CR1: variants seen among roughly 807,000 people sequenced by gnomAD.
The protein encoded by CR1 is complement C3b/C4b receptor 1 (Knops blood group).
A neutral mutation model predicts 187.3 loss-of-function variants in CR1; 116 were observed. That is an observed-to-expected ratio of 0.62 (90% CI 0.53 to 0.72). The LOEUF is 0.72. CR1 is among the 30% of genes least tolerant of loss of function. The pLI, the probability that CR1 is intolerant of heterozygous loss-of-function variation, is 0.00. For missense variants in CR1, 1,731 were observed against 2,110.7 expected (o/e 0.82, Z 3.52); for synonymous variants, 576 against 747.1 (o/e 0.77, Z 3.73).
At chr1:207,596,449 A>T (rs1005692714) in intron 35 of CR1, among the ~76,000 whole-genome samples, 13 of 151,986 alleles carry the variant, frequency 8.6e-5, no homozygotes, top group African/African-American at 3.1e-4. Flanking sequence ...CCCTGTCTCT[A>T]CTAAAAAATA....
intron 46 of CR1, among the ~76,000 whole-genome samples, chr1:207,638,486 T>C (rs553971150): frequency 6.6e-6 from 1 of 152,344 alleles, no homozygotes; most frequent in South Asian, 2.1e-4. Flanking sequence ...TAGAGACATC[T>C]GCTCCAGTGT....
intron 28 of CR1, 121 bp from the exon 29 acceptor site, chr1:207,577,684 T>A: frequency 6.8e-7 from 1 of 1,471,308 alleles, no homozygotes; most frequent in Non-Finnish European, 9.2e-7. Context: ...GTGGGAGGAT[T>A]GCTTGACCTG....
At chr1:207,602,902 C>G (rs1488681516) in intron 35 of CR1, among the ~76,000 whole-genome samples, 2 of 151,790 alleles carry the variant, frequency 1.3e-5, no homozygotes, top group Non-Finnish European at 2.9e-5. Flanking sequence ...CCATTCACAA[C>G]AGAAACAAAA....
chr1:207,638,874 G>A (rs1277995454), intron 46 of CR1, among the ~76,000 whole-genome samples: 1 of 152,202 alleles, frequency 6.6e-6, no homozygotes, highest in Non-Finnish European at 1.5e-5. Context: ...GGGCTCCCCT[G>A]GAAGCAGAGA....
chr1:207,596,595 C>T (rs1461497769), intron 35 of CR1, among the ~76,000 whole-genome samples: 5 of 151,808 alleles, frequency 3.3e-5, no homozygotes, highest in African/African-American at 9.7e-5. Flanking sequence ...GCCTGGGCAA[C>T]AAGAGCGAAA....
At chr1:207,635,922 A>G (rs1036427068) in intron 46 of CR1, among the ~76,000 whole-genome samples, 14 of 152,312 alleles carry the variant, frequency 9.2e-5, no homozygotes, top group Non-Finnish European at 1.6e-4. Flanking sequence ...GACACAGCAC[A>G]TGTTTCAGGA....
chr1:207,523,311 A>C (rs919447195), intron 4 of CR1, among the ~76,000 whole-genome samples: 21 of 152,244 alleles, frequency 1.4e-4, no homozygotes, highest in African/African-American at 4.6e-4. Flanking sequence ...AACGGAAAAG[A>C]GTAGGAGAAA....
intron 4 of CR1, among the ~76,000 whole-genome samples, chr1:207,520,355 G>T (rs1465101067): frequency 6.6e-6 from 1 of 152,202 alleles, no homozygotes; most frequent in Non-Finnish European, 1.5e-5. Flanking sequence ...ATATGCTGCC[G>T]TGACCACCTC....
intron 5 of CR1, among the ~76,000 whole-genome samples, chr1:207,525,151 G>A (rs369006823): frequency 1.3e-5 from 2 of 152,074 alleles, no homozygotes; most frequent in Middle Eastern, 3.4e-3. Context: ...GGGTGATGGT[G>A]CTCAACCATA....
At chr1:207,597,513 A>G (rs1661482579) in intron 35 of CR1, among the ~76,000 whole-genome samples, 1 of 152,194 alleles carries the variant, frequency 6.6e-6, no homozygotes, top group South Asian at 2.1e-4. Flanking sequence ...ATCATTAGTC[A>G]TTAGGGAAGT....
At chr1:207,590,382 A>C (rs1346996236) in intron 35 of CR1, among the ~76,000 whole-genome samples, 3 of 152,240 alleles carry the variant, frequency 2.0e-5, no homozygotes, top group Non-Finnish European at 2.9e-5. Context: ...TGAAGGAGAA[A>C]TAAAATCCTT....
chr1:207,613,359 C>T (rs997474558), intron 39 of CR1, among the ~76,000 whole-genome samples: 1 of 152,124 alleles, frequency 6.6e-6, no homozygotes, highest in African/African-American at 2.4e-5. Context: ...AAAACAAAGA[C>T]ACCACTCAAA....
At chr1:207,605,344 C>T (rs1012348396) in intron 35 of CR1, among the ~76,000 whole-genome samples, 2 of 148,606 alleles carry the variant, frequency 1.3e-5, no homozygotes, top group Non-Finnish European at 3.0e-5. Context: ...TCACCACACA[C>T]ACACACACAC....
intron 45 of CR1, among the ~76,000 whole-genome samples, chr1:207,625,730 A>T (rs1010927148): frequency 2.0e-5 from 3 of 152,014 alleles, no homozygotes; most frequent in African/African-American, 7.2e-5. Context: ...GGTGTGGGAA[A>T]TGTTCCTCAT....
intron 33 of CR1, among the ~76,000 whole-genome samples, chr1:207,585,508 C>T (rs557132868): frequency 1.3e-4 from 20 of 152,206 alleles, no homozygotes; most frequent in African/African-American, 4.1e-4. Context: ...CTATTTCTTC[C>T]TAAGGAGGGG....
rs556720481 is a variant in CR1, at chr1:207,525,893, C to G, written c.887-860C>G. Among the ~76,000 whole-genome samples the G allele has an allele frequency of 1.2e-4, 18 of 152,160 alleles. 2 individuals are homozygous for G. The highest frequency in any genetic ancestry group is 4.1e-4 in the African/African-American group (17 of 41,412). On this transcript the variant is annotated intron_variant, in intron 5 of 46. Coordinates refer to ENST00000367049, the MANE Select transcript of CR1 (RefSeq NM_000651.6). ...AAGTCATTTTTCTATTCCAATCCCC[C>G]ATTTGATGCTTGAGAAAGCTGAAGT...
intron 35 of CR1, among the ~76,000 whole-genome samples, chr1:207,602,501 ACTTTT>A (rs1281258261): frequency 6.6e-6 from 1 of 152,156 alleles, no homozygotes; most frequent in Non-Finnish European, 1.5e-5. Flanking sequence ...AAAGAGTACA[ACTTTT>A]CTTAAATGTC....
At chr1:207,498,925 G>A (rs1364995486) in intron 1 of CR1, among the ~76,000 whole-genome samples, 2 of 111,662 alleles carry the variant, frequency 1.8e-5, no homozygotes, top group Non-Finnish European at 4.0e-5. Flanking sequence ...AAACAATAAA[G>A]GGCAGGAAAA....
At chr1:207,583,219 A>G (rs919953458) in intron 32 of CR1, among the ~76,000 whole-genome samples, 3 of 152,204 alleles carry the variant, frequency 2.0e-5, no homozygotes, top group African/African-American at 7.2e-5. Context: ...AAGTATGGAA[A>G]TTATTTTAAG....
Sources: gnomAD v4.1 joint callset for allele counts (sites outside exome capture counted in the v4.1 genomes callset) on GRCh38, gnomAD v4.1.1 for gene constraint, MANE v1.5 for transcripts, NCBI Gene and HGNC (gene_info 2026-07-23, HGNC 2026-07-21) for gene names.